Variants in CLDN16 observed in about 807,000 individuals in gnomAD.
The protein encoded by CLDN16 is claudin 16.
A neutral mutation model predicts 24.6 loss-of-function variants in CLDN16; 13 were observed. That is an observed-to-expected ratio of 0.53 (90% CI 0.34 to 0.84). CLDN16 has a LOEUF of 0.84. Among genes scored for constraint, CLDN16 ranks in the 40% least tolerant of loss-of-function variants. The probability of loss-of-function intolerance (pLI) is 0.01; values close to 1 mark genes in which losing one functional copy is unlikely to be tolerated. For missense variants in CLDN16, 298 were observed against 292.7 expected, an observed-to-expected ratio of 1.02 and a Z score of -0.13; for synonymous variants, 116 against 106.7, an observed-to-expected ratio of 1.09 and a Z score of -0.54.
At position 190,389,242 on chromosome 3, in the gene CLDN16, T is replaced by A. The variant is rs903253203; in HGVS notation, c.114+799T>A. Among the ~76,000 whole-genome samples the A allele has an allele frequency of 2.6e-5, 4 of 152,288 alleles. No homozygotes were observed. The South Asian group carries it at 6.2e-4, about 24-fold the overall frequency. On this transcript the variant is annotated intron_variant, in intron 1 of 4. Coordinates refer to ENST00000264734, the MANE Select transcript of CLDN16 (RefSeq NM_006580.4). ...ATCAAATCTTCAGAATTAGCTGCTG[T>A]TCATTAATGAGGCTTAGGAAAACAC...
At chr3:190,384,488 AC>A (rs1718439899), upstream of CLDN16, among the ~76,000 whole-genome samples, 1 of 152,154 alleles carries the variant, frequency 6.6e-6, no homozygotes, top group Non-Finnish European at 1.5e-5. Flanking sequence ...TAAGGGTGTC[AC>A]TCAACTGATC....
intron 1 of CLDN16, among the ~76,000 whole-genome samples, chr3:190,334,501 T>C (rs1054405199): frequency 7.2e-5 from 11 of 152,266 alleles, no homozygotes; most frequent in African/African-American, 2.4e-4. Flanking sequence ...ATTTTTTGTG[T>C]GTGCTCCTCT....
intron 1 of CLDN16, among the ~76,000 whole-genome samples, chr3:190,361,960 G>T (rs1253050960): frequency 2.1e-5 from 3 of 144,062 alleles, no homozygotes; most frequent in Admixed American, 7.1e-5. Flanking sequence ...GATAAGGGTG[G>T]GGGCTACCAG....
chr3:190,373,297 T>C (rs6774945), intron 2 of CLDN16, among the ~76,000 whole-genome samples: 30,526 of 151,938 alleles, frequency 0.2, 3,541 homozygotes, highest in East Asian at 0.45. Context: ...TTGTCCCTCA[T>C]TCATCCTCAG....
chr3:190,350,996 G>C (rs1010970272), intron 1 of CLDN16, among the ~76,000 whole-genome samples: 2 of 152,162 alleles, frequency 1.3e-5, no homozygotes, highest in African/African-American at 4.8e-5. Context: ...TTGAGGCATA[G>C]TGGGAGGTGT....
At chr3:190,363,370 G>A (rs1454984579) in intron 1 of CLDN16, among the ~76,000 whole-genome samples, 3 of 150,684 alleles carry the variant, frequency 2.0e-5, no homozygotes, top group Non-Finnish European at 4.4e-5. Context: ...ACCTGTAAAT[G>A]CTTTACCACA....
At chr3:190,311,955 TTTTTTC>T in the CLDN16 span, among the ~76,000 whole-genome samples, 2 of 2,168 alleles carry the variant, frequency 9.2e-4, no homozygotes, top group African/African-American at 4.8e-3. Flanking sequence ...TTTTCTTTTC[TTTTTTC>T]TTTTTTTTTT....
upstream of CLDN16, among the ~76,000 whole-genome samples, chr3:190,383,801 T>C (rs1457199693): frequency 1.3e-5 from 2 of 152,160 alleles, no homozygotes; most frequent in Admixed American, 6.6e-5. Flanking sequence ...TACACACACA[T>C]ACATGTGTGT....
intron 1 of CLDN16, among the ~76,000 whole-genome samples, chr3:190,360,182 C>T (rs758992231): frequency 6.6e-6 from 1 of 151,966 alleles, no homozygotes; most frequent in African/African-American, 2.4e-5. Flanking sequence ...CAGTAGAGGT[C>T]TAGTCCAAGG....
the CLDN16 span, among the ~76,000 whole-genome samples, chr3:190,300,548 C>T: frequency 2.6e-5 from 4 of 152,294 alleles, no homozygotes; most frequent in South Asian, 2.1e-4. Context: ...TTTCGAAGAA[C>T]GATACAAGCG....
chr3:190,391,623 G>A (rs892807311), intron 1 of CLDN16, among the ~76,000 whole-genome samples: 1 of 152,168 alleles, frequency 6.6e-6, no homozygotes, highest in Non-Finnish European at 1.5e-5. Context: ...CAGATAAGGG[G>A]ACAGAGTGGC....
chr3:190,328,946 A>C (rs1560079475), intron 1 of CLDN16, among the ~76,000 whole-genome samples: 1 of 152,110 alleles, frequency 6.6e-6, no homozygotes, highest in Non-Finnish European at 1.5e-5. Context: ...TTGTTCATTT[A>C]TGTTACTTCT....
chr3:190,382,436 C>T (rs1475315843), intron 3 of CLDN16, among the ~76,000 whole-genome samples: 2 of 152,082 alleles, frequency 1.3e-5, no homozygotes, highest in African/African-American at 4.8e-5. Flanking sequence ...GATGCATAAA[C>T]AGCATACTAT....
upstream of CLDN16, among the ~76,000 whole-genome samples, chr3:190,319,148 G>C (rs1490060629): frequency 1.3e-5 from 2 of 152,096 alleles, no homozygotes; most frequent in East Asian, 3.9e-4. Flanking sequence ...AGTCAAGTAA[G>C]AAGAAGCATT....
chr3:190,305,062 G>A, the CLDN16 span, among the ~76,000 whole-genome samples: 1 of 152,206 alleles, frequency 6.6e-6, no homozygotes, highest in East Asian at 1.9e-4. Context: ...TAGAAACAGA[G>A]TGAGAATTCT....
At chr3:190,350,677 C>A (rs1471107236) in intron 1 of CLDN16, among the ~76,000 whole-genome samples, 1 of 152,066 alleles carries the variant, frequency 6.6e-6, no homozygotes, top group Admixed American at 6.6e-5. Context: ...ATTGACTGGG[C>A]TCAGGCTACT....
chr3:190,362,627 G>A (rs926276101), intron 1 of CLDN16, among the ~76,000 whole-genome samples: 15 of 151,996 alleles, frequency 9.9e-5, no homozygotes, highest in African/African-American at 1.2e-4. Flanking sequence ...AGCCGGCAAC[G>A]TGAACCAGTT....
At chr3:190,367,470 A>G (rs1419533158) in intron 1 of CLDN16, among the ~76,000 whole-genome samples, 1 of 151,922 alleles carries the variant, frequency 6.6e-6, no homozygotes, top group Admixed American at 6.6e-5. Flanking sequence ...GAATTTCTTC[A>G]GCGGGAAAAT....
the CLDN16 span, among the ~76,000 whole-genome samples, chr3:190,290,977 T>C: frequency 6.6e-6 from 1 of 152,124 alleles, no homozygotes; most frequent in African/African-American, 2.4e-5. Context: ...AAGTAGGATG[T>C]TAGAGAGTAA....
Sources: allele counts gnomAD v4.1 joint callset (sites outside exome capture counted in the v4.1 genomes callset), GRCh38; gene constraint gnomAD v4.1.1; transcripts MANE v1.5; gene names NCBI Gene and HGNC (gene_info 2026-07-23, HGNC 2026-07-21).